Variants in UBASH3B observed in about 807,000 individuals in gnomAD.
UBASH3B encodes ubiquitin associated and SH3 domain containing B.
UBASH3B carries 37 observed loss-of-function variants against 83.4 expected under a neutral mutation model. The observed-to-expected ratio is 0.44, with a 90% CI of 0.34 to 0.58. UBASH3B has a LOEUF of 0.58. UBASH3B is among the 20% of genes least tolerant of loss of function. The probability of loss-of-function intolerance (pLI) is 0.01; values close to 1 mark genes in which losing one functional copy is unlikely to be tolerated. For missense variants in UBASH3B, 657 were observed against 827.2 expected, an observed-to-expected ratio of 0.79 and a Z score of 2.52; for synonymous variants, 304 against 318.3, an observed-to-expected ratio of 0.96 and a Z score of 0.48.
rs981101033 is a variant in UBASH3B, at chr11:122,814,403, G to C, written c.*4517G>C. ...CAGCTATGGCACCATTGTAATTACA[G>C]ATGCACCTTTCAGGAGCATCTCCAT... On this transcript the variant is annotated 3_prime_UTR_variant, in exon 14 of 14. Coordinates refer to ENST00000284273, the MANE Select transcript of UBASH3B (RefSeq NM_032873.5). 6.6e-6 allele frequency: 1 copy of C among 152,594 alleles called. No individual in the cohort carries two copies. Among genetic ancestry groups the C allele is most frequent in the Non-Finnish European group, 1.5e-5 (1 of 68,022 alleles). The allele number at this position is 152,594 out of a possible 1,614,324, so 9.5% of individuals were successfully genotyped here. A position where few individuals can be genotyped will look rare whatever the true frequency, so the allele number is the denominator to read the frequency against.
At chr11:122,715,783 T>C (rs1860515412) in intron 1 of UBASH3B, among the ~76,000 whole-genome samples, 1 of 152,238 alleles carries the variant, frequency 6.6e-6, no homozygotes, top group African/African-American at 2.4e-5. Flanking sequence ...TTCCCAGCCA[T>C]TGCCAGGTTC....
At position 122,799,441 on chromosome 11, in the gene UBASH3B, T is replaced by G. The variant is rs903255280; in HGVS notation, c.1450+407T>G. Among the ~76,000 whole-genome samples the G allele has an allele frequency of 1.0e-4, 15 of 149,898 alleles. 1 individual carries two copies. The highest frequency in any genetic ancestry group is 3.0e-5 in the Non-Finnish European group (2 of 67,698). ...GGCGGAGGTTGTGGTGAGCCAAGAT[T>G]GCGCCATTGCACTCCAGCCTGGGCA... On this transcript the variant is annotated intron_variant, in intron 10 of 13. Transcript: ENST00000284273.
At chr11:122,730,216 G>A (rs1258886257) in intron 1 of UBASH3B, among the ~76,000 whole-genome samples, 1 of 152,134 alleles carries the variant, frequency 6.6e-6, no homozygotes, top group Non-Finnish European at 1.5e-5. Flanking sequence ...AACCCAGGAG[G>A]TGGAGTTTGC....
chr11:122,682,049 G>A lies in UBASH3B; in HGVS notation c.161+25839G>A, dbSNP rs139766790. The stretch of plus-strand genomic sequence containing the variant: ...CTGTTCTCCCTGCCTTGTCAAAAAA[G>A]CACCAGTCGTGAATCATCTGCCCAT... On this transcript the variant is annotated intron_variant, in intron 1 of 13. Transcript: ENST00000284273. Among the ~76,000 whole-genome samples, 7 of 152,272 alleles carry A rather than the reference G, an allele frequency of 4.6e-5. No homozygotes were observed. The East Asian group carries it at 1.2e-3, about 25-fold the overall frequency.
intron 1 of UBASH3B, among the ~76,000 whole-genome samples, chr11:122,741,870 A>G (rs1206253547): frequency 6.6e-6 from 1 of 152,028 alleles, no homozygotes; most frequent in Admixed American, 6.5e-5. Context: ...ACCAGCCTTG[A>G]GCAATTCCTA....
At chr11:122,697,389 G>A (rs755750588) in intron 1 of UBASH3B, among the ~76,000 whole-genome samples, 9 of 152,140 alleles carry the variant, frequency 5.9e-5, no homozygotes, top group Non-Finnish European at 1.2e-4. Context: ...AGCCGAGATC[G>A]CAACATTGCA....
chr11:122,801,929 C>T (rs1565572309), intron 11 of UBASH3B, among the ~76,000 whole-genome samples: 1 of 152,170 alleles, frequency 6.6e-6, no homozygotes, highest in Non-Finnish European at 1.5e-5. Flanking sequence ...CATTCCTGTT[C>T]CTTTCCTTTT....
At chr11:122,663,213 G>A (rs972530320) in intron 1 of UBASH3B, among the ~76,000 whole-genome samples, 1 of 152,140 alleles carries the variant, frequency 6.6e-6, no homozygotes, top group African/African-American at 2.4e-5. Flanking sequence ...CTGAGCTCAG[G>A]CAATCCGCCT....
At chr11:122,765,110 T>C (rs946743368) in intron 1 of UBASH3B, among the ~76,000 whole-genome samples, 1 of 151,972 alleles carries the variant, frequency 6.6e-6, no homozygotes, top group South Asian at 2.1e-4. Context: ...ATGTCTAGAC[T>C]TGCACCCACA....
intron 13 of UBASH3B, 41 bp from the exon 14 acceptor site, chr11:122,809,708 C>G (rs1861404861): frequency 6.2e-7 from 1 of 1,610,164 alleles, no homozygotes; most frequent in Non-Finnish European, 8.5e-7. Context: ...AGCATTAAAC[C>G]TATCTCCTAA....
At chr11:122,705,881 C>T (rs1864112090) in intron 1 of UBASH3B, among the ~76,000 whole-genome samples, 1 of 152,140 alleles carries the variant, frequency 6.6e-6, no homozygotes, top group South Asian at 2.1e-4. Flanking sequence ...TCCGCAGCAG[C>T]TGATGCCCTT....
chr11:122,693,225 T>C (rs191983750), intron 1 of UBASH3B, among the ~76,000 whole-genome samples: 1 of 152,314 alleles, frequency 6.6e-6, no homozygotes, highest in Admixed American at 6.5e-5. Context: ...CAAATCACAA[T>C]GGTGGAATGT....
At chr11:122,667,952 A>C (rs1335920866) in intron 1 of UBASH3B, among the ~76,000 whole-genome samples, 1 of 152,112 alleles carries the variant, frequency 6.6e-6, no homozygotes, top group South Asian at 2.1e-4. Flanking sequence ...ATATCAGGCT[A>C]CTTCTCTGAG....
chr11:122,802,602 A>G (rs1861278060), intron 11 of UBASH3B, among the ~76,000 whole-genome samples: 1 of 152,098 alleles, frequency 6.6e-6, no homozygotes, highest in African/African-American at 2.4e-5. Context: ...TTCTTTTTCC[A>G]TACTCATTTT....
At position 122,759,201 on chromosome 11, in the gene UBASH3B, G is replaced by T. The variant is rs1348728796; in HGVS notation, c.162-17018G>T. Among the ~76,000 whole-genome samples, 1 of 152,198 alleles carries T rather than the reference G, an allele frequency of 6.6e-6. No homozygotes were observed. The highest frequency in any genetic ancestry group is 2.4e-5 in the African/African-American group (1 of 41,450). On this transcript the variant is annotated intron_variant, in intron 1 of 13. Transcript: ENST00000284273. The surrounding 1 kb of genome is among the most constrained non-coding windows in gnomAD (Gnocchi z 4.1). ...TGACTGAGGGCCCCAGCTTTTTGTT[G>T]GATGTTGGCTACAAGCCACTCTCAG...
At chr11:122,712,898 T>G (rs999984199) in intron 1 of UBASH3B, among the ~76,000 whole-genome samples, 1 of 50,864 alleles carries the variant, frequency 2.0e-5, no homozygotes, top group Non-Finnish European at 3.5e-5. Flanking sequence ...TCTGGGTGGT[T>G]TTTTTTTTTT....
At chr11:122,800,396 A>AAC (rs1459976057) in intron 10 of UBASH3B, among the ~76,000 whole-genome samples, 3 of 149,932 alleles carry the variant, frequency 2.0e-5, no homozygotes, top group Admixed American at 1.3e-4. Context: ...AAAAAAAAAA[A>AAC]AAAAAACAAG....
At chr11:122,727,468 A>G (rs1411095202) in intron 1 of UBASH3B, 1 of 152,188 alleles carries the variant, frequency 6.6e-6, no homozygotes, top group Non-Finnish European at 1.5e-5. Flanking sequence ...ATGATCCCCA[A>G]GATGCCTTCA....
intron 5 of UBASH3B, among the ~76,000 whole-genome samples, chr11:122,785,704 G>C (rs1860935862): frequency 6.6e-6 from 1 of 152,112 alleles, no homozygotes; most frequent in African/African-American, 2.4e-5. Context: ...CTTTAGCAAG[G>C]GTTAAATTCA....
Sources: gnomAD v4.1 joint callset for allele counts (sites outside exome capture counted in the v4.1 genomes callset) on GRCh38, gnomAD v4.1.1 for gene constraint, Gnocchi (gnomAD v3.1) non-coding constraint, MANE v1.5 for transcripts, NCBI Gene and HGNC (gene_info 2026-07-23, HGNC 2026-07-21) for gene names.